TCF4: variants seen among roughly 807,000 people sequenced by gnomAD.
TCF4 encodes transcription factor 4, also known as SL3-3 enhancer factor 2.
In TCF4, 3 loss-of-function variants were observed where a neutral mutation model predicts 82.1. That is an observed-to-expected ratio of 0.04 (90% confidence interval 0.02 to 0.09). The LOEUF (loss-of-function observed/expected upper bound fraction) is 0.09, where lower values mean the gene tolerates loss of function less well. Among genes scored for constraint, TCF4 ranks in the 10% least tolerant of loss-of-function variants. The pLI, the probability that TCF4 is intolerant of heterozygous loss-of-function variation, is 1.00. For synonymous variants in TCF4, 276 were observed against 309.6 expected, an observed-to-expected ratio of 0.89 and a Z score of 1.14; for missense variants, 518 against 852.7, an observed-to-expected ratio of 0.61 and a Z score of 4.89.
At chr18:55,541,613 AT>A (rs1156297795) in intron 3 of TCF4, among the ~76,000 whole-genome samples, 2 of 152,012 alleles carry the variant, frequency 1.3e-5, no homozygotes, top group African/African-American at 4.8e-5. Flanking sequence ...ATAATTTACA[AT>A]AAAAATTTAC....
chr18:55,612,751 C>A (rs1004421594), intron 2 of TCF4, among the ~76,000 whole-genome samples: 2 of 152,048 alleles, frequency 1.3e-5, no homozygotes, highest in Non-Finnish European at 2.9e-5. Context: ...AGTTCAAGAC[C>A]AGACTGGCCA....
intron 8 of TCF4, among the ~76,000 whole-genome samples, chr18:55,281,767 GA>G (rs895319763): frequency 6.6e-6 from 1 of 151,058 alleles, no homozygotes; most frequent in African/African-American, 2.4e-5. Context: ...GGAAGATAAG[GA>G]AAAATCTTTG....
intron 6 of TCF4, among the ~76,000 whole-genome samples, chr18:55,386,740 G>C (rs1055497297): frequency 8.5e-5 from 13 of 152,318 alleles, no homozygotes; most frequent in African/African-American, 3.1e-4. Context: ...GCAGCTCCCG[G>C]AGTGCTGGCT....
At chr18:55,362,171 A>C (rs1293189021) in intron 6 of TCF4, among the ~76,000 whole-genome samples, 2 of 152,020 alleles carry the variant, frequency 1.3e-5, no homozygotes, top group Non-Finnish European at 1.5e-5. Context: ...GGCCAGGTGT[A>C]ATGGCTCATG....
intron 3 of TCF4, among the ~76,000 whole-genome samples, chr18:55,529,130 A>G (rs2097028130): frequency 6.6e-6 from 1 of 152,216 alleles, no homozygotes; most frequent in Non-Finnish European, 1.5e-5. Context: ...GTGAGCCAAG[A>G]TCGTGCCATT....
intron 17 of TCF4, chr18:55,229,354 A>G: frequency 2.1e-6 from 1 of 483,006 alleles, no homozygotes; most frequent in East Asian, 4.0e-5. Context: ...CCATACTGAT[A>G]CAGGGGGGCA....
Position 55,565,950 on chromosome 18 carries a change from A to C in TCF4, c.145+19330T>G, listed in dbSNP as rs542920276. 1.3e-4 allele frequency among the ~76,000 whole-genome samples: 19 copies of C among 151,842 alleles called. No individual in the cohort carries two copies. In the East Asian group the frequency reaches 3.5e-3, roughly 28 times the overall value. On this transcript the variant is annotated intron_variant, in intron 3 of 19. Coordinates refer to ENST00000354452, the MANE Select transcript of TCF4 (RefSeq NM_001083962.2). ...GATACGGTGGCTCACGCCTGTAATC[A>C]CAGCAGTTTGGGAGGCTGAGGCAGG...
intron 3 of TCF4, among the ~76,000 whole-genome samples, chr18:55,558,771 A>G (rs999881162): frequency 6.6e-6 from 1 of 152,058 alleles, no homozygotes; most frequent in African/African-American, 2.4e-5. Context: ...AAAGGATGTG[A>G]TATACTTATT....
intron 8 of TCF4, among the ~76,000 whole-genome samples, chr18:55,326,610 G>A (rs1201870147): frequency 6.6e-6 from 1 of 152,096 alleles, no homozygotes; most frequent in African/African-American, 2.4e-5. Context: ...AATTTCTGCT[G>A]ATGTGTTAGT....
intron 10 of TCF4, among the ~76,000 whole-genome samples, chr18:55,270,994 G>A (rs1260768979): frequency 6.6e-6 from 1 of 151,894 alleles, no homozygotes; most frequent in Non-Finnish European, 1.5e-5. Context: ...TATCATTATT[G>A]GAAATGCTGT....
At chr18:55,621,520 A>ATAATGTACATTATATATAATATTAT (rs369426865) in intron 2 of TCF4, among the ~76,000 whole-genome samples, 2 of 4,542 alleles carry the variant, frequency 4.4e-4, no homozygotes, top group African/African-American at 2.9e-3. Context: ...TATATTATAT[A>ATAATGTACATTATATATAATATTAT]ATATTATATA....
rs907185657 is a variant in TCF4, at chr18:55,439,459, ATGAG to A, written c.304+21556_304+21559del. Among the ~76,000 whole-genome samples, 35 of 152,306 alleles carry A rather than the reference ATGAG, an allele frequency of 2.3e-4. 1 individual carries two copies. Among genetic ancestry groups the A allele is most frequent in the Admixed American group, 1.1e-3 (17 of 15,308 alleles). ...CCTGGAAAGAGGTGGGGTTGCTTATATGAGTGAGGAAGAAGTGACTTCAAAAACC... is the reference window on the plus strand; with the variant it reads ...CCTGGAAAGAGGTGGGGTTGCTTATATGAGGAAGAAGTGACTTCAAAAACC... On this transcript the variant is annotated intron_variant, in intron 5 of 19. Coordinates refer to ENST00000354452, the MANE Select transcript of TCF4 (RefSeq NM_001083962.2).
At chr18:55,387,393 A>C (rs2092694816) in intron 6 of TCF4, among the ~76,000 whole-genome samples, 1 of 152,194 alleles carries the variant, frequency 6.6e-6, no homozygotes, top group African/African-American at 2.4e-5. Context: ...CTGACACCCT[A>C]CCTTACACAC....
At chr18:55,405,534 T>G (rs2094043341) in intron 5 of TCF4, among the ~76,000 whole-genome samples, 1 of 152,148 alleles carries the variant, frequency 6.6e-6, no homozygotes. Context: ...AGCTATCCCC[T>G]GTAGAATTTC....
At chr18:55,474,595 C>T (rs1369147727) in intron 3 of TCF4, among the ~76,000 whole-genome samples, 1 of 152,110 alleles carries the variant, frequency 6.6e-6, no homozygotes, top group Non-Finnish European at 1.5e-5. Flanking sequence ...TGGTGATCTC[C>T]AAATGGTGGC....
chr18:55,555,471 C>T (rs748597397), intron 3 of TCF4, among the ~76,000 whole-genome samples: 5 of 152,098 alleles, frequency 3.3e-5, no homozygotes, highest in South Asian at 2.1e-4. Context: ...TTCAGAAATA[C>T]GACTTTTAGA....
intron 8 of TCF4, among the ~76,000 whole-genome samples, chr18:55,294,833 T>G (rs1315149859): frequency 1.3e-5 from 2 of 152,238 alleles, no homozygotes; most frequent in African/African-American, 4.8e-5. Flanking sequence ...TTGCCCAGGC[T>G]GGTCTCAAAC....
chr18:55,590,824 C>A (rs2097684013), upstream of TCF4, among the ~76,000 whole-genome samples: 1 of 152,090 alleles, frequency 6.6e-6, no homozygotes, highest in African/African-American at 2.4e-5. Flanking sequence ...CTAAGAATAA[C>A]CCTATGGAGT....
At chr18:55,608,606 A>G (rs1397537049) in intron 2 of TCF4, among the ~76,000 whole-genome samples, 1 of 152,086 alleles carries the variant, frequency 6.6e-6, no homozygotes, top group Non-Finnish European at 1.5e-5. Flanking sequence ...ATTTTTATAG[A>G]GCATGTTAGG....
Sources: allele counts gnomAD v4.1 joint callset (sites outside exome capture counted in the v4.1 genomes callset), GRCh38; gene constraint gnomAD v4.1.1; transcripts MANE v1.5; gene names NCBI Gene and HGNC (gene_info 2026-07-23, HGNC 2026-07-21).